GPM6A: variants seen among roughly 807,000 people sequenced by gnomAD.
The protein encoded by GPM6A is glycoprotein M6A.
In GPM6A, 7 loss-of-function variants were observed where a neutral mutation model predicts 32.1. That is an observed-to-expected ratio of 0.22 (90% CI 0.12 to 0.41). The LOEUF is 0.41. Among genes scored for constraint, GPM6A ranks in the 10% least tolerant of loss-of-function variants. The pLI is 1.00. For missense variants in GPM6A, 235 were observed against 347.2 expected, an observed-to-expected ratio of 0.68 and a Z score of 2.57; for synonymous variants, 130 against 123.4, an observed-to-expected ratio of 1.05 and a Z score of -0.35.
chr4:175,822,960 AT>A (rs1481728672), intron 1 of GPM6A, among the ~76,000 whole-genome samples: 2 of 152,148 alleles, frequency 1.3e-5, no homozygotes, highest in African/African-American at 4.8e-5. Context: ...AAACTTAATA[AT>A]TTTACAAAAC....
chr4:175,873,681 C>A (rs1353148308), intron 1 of GPM6A, among the ~76,000 whole-genome samples: 1 of 152,084 alleles, frequency 6.6e-6, no homozygotes, highest in Non-Finnish European at 1.5e-5. Context: ...CCATTATTTT[C>A]AGGATGCGTA....
intron 6 of GPM6A, among the ~76,000 whole-genome samples, chr4:175,639,396 G>A (rs17313669): frequency 0.36 from 55,329 of 151,878 alleles, 12,319 homozygotes; most frequent in Non-Finnish European, 0.5. Flanking sequence ...ATATTGACTC[G>A]GCTGTCACAG....
chr4:175,879,941 G>A (rs995203687), intron 1 of GPM6A, among the ~76,000 whole-genome samples: 2 of 152,034 alleles, frequency 1.3e-5, no homozygotes, highest in Non-Finnish European at 2.9e-5. Context: ...TTAAAAAACA[G>A]GGGACATGAA....
intron 1 of GPM6A, among the ~76,000 whole-genome samples, chr4:175,954,232 G>T (rs1739910229): frequency 6.6e-6 from 1 of 152,152 alleles, no homozygotes; most frequent in Non-Finnish European, 1.5e-5. Flanking sequence ...TCACAATCCA[G>T]GTGCTCAACA....
chr4:175,924,806 C>G (rs1738779235), intron 1 of GPM6A, among the ~76,000 whole-genome samples: 1 of 147,284 alleles, frequency 6.8e-6, no homozygotes. Context: ...CACTACTGCA[C>G]TCCAGCCTAG....
At chr4:175,991,234 T>A (rs868671720) in intron 1 of GPM6A, among the ~76,000 whole-genome samples, 2,479 of 149,498 alleles carry the variant, frequency 0.017, 57 homozygotes, top group African/African-American at 0.057. Flanking sequence ...CCCAGCTATT[T>A]TTTTTTTTTT....
At chr4:175,733,794 G>C (rs1227809336) in intron 1 of GPM6A, among the ~76,000 whole-genome samples, 3 of 152,058 alleles carry the variant, frequency 2.0e-5, no homozygotes, top group Non-Finnish European at 4.4e-5. Context: ...GCGAGTAGTG[G>C]GCCCACAGCA....
intron 3 of GPM6A, among the ~76,000 whole-genome samples, chr4:175,671,999 A>AAAG (rs59835779): frequency 0.024 from 3,553 of 149,478 alleles, 164 homozygotes; most frequent in East Asian, 0.21. Context: ...AAAAAAAAAG[A>AAAG]AAGAAAGAAA....
At chr4:175,779,309 C>T (rs116696492) in intron 1 of GPM6A, among the ~76,000 whole-genome samples, 3,073 of 152,258 alleles carry the variant, frequency 0.02, 56 homozygotes, top group Non-Finnish European at 0.031. Flanking sequence ...CTCATGCACG[C>T]CTAGAGCAAT....
chr4:175,969,829 T>C (rs1304005889), intron 1 of GPM6A, among the ~76,000 whole-genome samples: 1 of 152,136 alleles, frequency 6.6e-6, no homozygotes, highest in Admixed American at 6.5e-5. Flanking sequence ...GGATGCAGGG[T>C]AAATAGAACT....
In GPM6A at chr4:175,874,359, G is replaced by A. The variant is rs149011176; in HGVS notation, c.-22-62110C>T. On this transcript the variant is annotated intron_variant, in intron 1 of 7. Coordinates refer to the GPM6A transcript ENST00000280187. The stretch of plus-strand genomic sequence containing the variant: ...TGTAATGCTGCAAAAGCTGAAAAGG[G>A]AACTATTTTTCAAGAAAAGACCTAC... Among the ~76,000 whole-genome samples, 64 of 152,250 alleles carry A rather than the reference G, an allele frequency of 4.2e-4. No individual in the cohort carries two copies. The East Asian group carries it at 0.012, about 28-fold the overall frequency.
chr4:175,974,537 G>C (rs1220808216), intron 1 of GPM6A, among the ~76,000 whole-genome samples: 2 of 150,570 alleles, frequency 1.3e-5, no homozygotes, highest in African/African-American at 4.9e-5. Flanking sequence ...GACACTTAAA[G>C]GGCAATGTGA....
chr4:175,984,679 C>T (rs1430759262), intron 1 of GPM6A, among the ~76,000 whole-genome samples: 2 of 152,068 alleles, frequency 1.3e-5, no homozygotes, highest in South Asian at 2.1e-4. Context: ...CCTTCCCTGC[C>T]CTAGTGTAAT....
intron 1 of GPM6A, among the ~76,000 whole-genome samples, chr4:175,879,099 C>A (rs1737182657): frequency 6.6e-6 from 1 of 152,150 alleles, no homozygotes. Context: ...CAACAAATTT[C>A]TCATCTCCAT....
chr4:175,819,783 TAA>T (rs1164058986), intron 1 of GPM6A, among the ~76,000 whole-genome samples: 3 of 152,178 alleles, frequency 2.0e-5, no homozygotes, highest in Admixed American at 2.0e-4. Context: ...GCCCTGATTG[TAA>T]AGTCTTCTCA....
intron 1 of GPM6A, among the ~76,000 whole-genome samples, chr4:175,819,690 C>T (rs988523812): frequency 6.6e-6 from 1 of 152,102 alleles, no homozygotes; most frequent in South Asian, 2.1e-4. Context: ...CATTCTGACC[C>T]CAAAGCCCAT....
intron 2 of GPM6A, among the ~76,000 whole-genome samples, chr4:175,678,203 G>A (rs1477805756): frequency 6.6e-6 from 1 of 152,086 alleles, no homozygotes; most frequent in African/African-American, 2.4e-5. Context: ...AATGGCATTG[G>A]AGAAAAGAGA....
At chr4:175,891,804 G>A (rs1737657977) in intron 1 of GPM6A, 1 of 152,194 alleles carries the variant, frequency 6.6e-6, no homozygotes, top group African/African-American at 2.4e-5. Context: ...AGCAGAATCA[G>A]AGACTAGTCT....
At chr4:175,940,556 T>C (rs1739373656) in intron 1 of GPM6A, among the ~76,000 whole-genome samples, 1 of 152,214 alleles carries the variant, frequency 6.6e-6, no homozygotes, top group Non-Finnish European at 1.5e-5. Context: ...TATGAAATTA[T>C]AGTAAAAGTG....
Sources: gnomAD v4.1 joint callset for allele counts (sites outside exome capture counted in the v4.1 genomes callset) on GRCh38, gnomAD v4.1.1 for gene constraint, MANE v1.5 for transcripts, NCBI Gene and HGNC (gene_info 2026-07-23, HGNC 2026-07-21) for gene names.